The following RALY variants were observed in gnomAD, a reference collection of about 807,000 sequenced individuals.
RALY encodes RALY heterogeneous nuclear ribonucleoprotein.
A neutral mutation model predicts 30.7 loss-of-function variants in RALY; 15 were observed. The observed-to-expected ratio is 0.49, with a 90% CI of 0.33 to 0.75. The LOEUF (loss-of-function observed/expected upper bound fraction) is 0.75. RALY is among the 30% of genes least tolerant of loss of function. The pLI, the probability that RALY is intolerant of heterozygous loss-of-function variation, is 0.02. For synonymous variants in RALY, 177 were observed against 170.8 expected, an observed-to-expected ratio of 1.04 and a Z score of -0.28; for missense variants, 339 against 414.3, an observed-to-expected ratio of 0.82 and a Z score of 1.58.
At chr20:34,042,545 A>G (rs2032739088) in intron 2 of RALY, among the ~76,000 whole-genome samples, 1 of 152,182 alleles carries the variant, frequency 6.6e-6, no homozygotes, top group Non-Finnish European at 1.5e-5. Context: ...TGAGGTAGGC[A>G]GGCTTGTGAA....
At chr20:34,016,646 G>A (rs920507198) in intron 1 of RALY, 2 of 152,258 alleles carry the variant, frequency 1.3e-5, no homozygotes, top group African/African-American at 2.4e-5. Context: ...CCTTGGACAA[G>A]TTTCTTTTCT....
chr20:34,074,573 G>A (rs1271376574), intron 5 of RALY, among the ~76,000 whole-genome samples: 27 of 151,844 alleles, frequency 1.8e-4, no homozygotes, highest in Admixed American at 1.8e-3. Context: ...CCTGTGAGTC[G>A]TTTCAGGAGA....
At chr20:34,003,302 A>G (rs894559703) in intron 1 of RALY, among the ~76,000 whole-genome samples, 8 of 152,068 alleles carry the variant, frequency 5.3e-5, no homozygotes, top group African/African-American at 9.7e-5. Flanking sequence ...CTTCCTCACA[A>G]TGGTATTGTG....
intron 4 of RALY, 38 bp from the exon 5 acceptor site, chr20:34,073,781 G>A (rs202092057): frequency 6.6e-4 from 1,070 of 1,609,354 alleles, no homozygotes; most frequent in Non-Finnish European, 7.9e-4. Context: ...CTGAGTGGCC[G>A]TCCCTAAGCT....
rs1469089488 is a variant in RALY, at chr20:34,076,785, C to G, written c.628C>G (p.Gln210Glu). 1.2e-6 allele frequency: 2 copies of G among 1,614,110 alleles called. No homozygotes were observed. The highest frequency in any genetic ancestry group is 4.5e-5 in the East Asian group (2 of 44,878). The change falls in exon 7 of 10, where the codon CAG becomes GAG. Residue 210 changes from glutamine to glutamate, a missense_variant. By Grantham distance (29) the Gln-to-Glu change is conservative (BLOSUM62 2). Transcript: ENST00000246194. ...NIDALLSRLE[Q>E]IAAEQKANPD... Reference sequence around the variant, plus strand: ...CGATGCCCTGCTGAGCCGCTTGGAGCAGATCGCTGCGGAGCAAAAGGCCAA... The same window carrying G: ...CGATGCCCTGCTGAGCCGCTTGGAGGAGATCGCTGCGGAGCAAAAGGCCAA...
At chr20:34,005,200 A>T (rs1226643296) in intron 1 of RALY, among the ~76,000 whole-genome samples, 1 of 152,098 alleles carries the variant, frequency 6.6e-6, no homozygotes, top group Non-Finnish European at 1.5e-5. Flanking sequence ...CGAGGAGACT[A>T]GTCGAGTAGT....
intron 2 of RALY, among the ~76,000 whole-genome samples, chr20:34,069,194 G>A (rs977102546): frequency 2.0e-5 from 3 of 152,100 alleles, no homozygotes; most frequent in African/African-American, 7.2e-5. Context: ...AATGGGGTTC[G>A]CAGATGGCAG....
At chr20:34,023,736 A>G (rs1290285484) in intron 1 of RALY, among the ~76,000 whole-genome samples, 2 of 152,134 alleles carry the variant, frequency 1.3e-5, no homozygotes, top group Non-Finnish European at 2.9e-5. Flanking sequence ...AGAGCCCCAC[A>G]GTCAGTCTAT....
chr20:34,049,869 T>A (rs1161623134), intron 2 of RALY, among the ~76,000 whole-genome samples: 1 of 152,194 alleles, frequency 6.6e-6, no homozygotes, highest in Non-Finnish European at 1.5e-5. Flanking sequence ...CAACCTTTCT[T>A]TCTATCCCCT....
rs372973819 is a variant in RALY at position 34,078,525 on chromosome 20, C to A, written c.897C>A (p.Asp299Glu). Residue 299 changes from aspartate (D) to glutamate (E), a missense_variant, in exon 9 of 10, where the codon GAC (aspartate) becomes GAA (glutamate). Asp to Glu is a conservative substitution (Grantham distance 45). Coordinates refer to ENST00000246194, the MANE Select transcript of RALY (RefSeq NM_016732.3). ...ATCAGGAACACAGCCAGGACACAGA[C>A]GCGGATGATGGGGCCTTGCAGTAAG... ...EEELEHSQDT[D>E]ADDGALQ 7.6e-6 allele frequency: 12 copies of A among 1,587,676 alleles called. No individual in the cohort carries two copies. Among genetic ancestry groups the A allele is most frequent in the Non-Finnish European group, 1.0e-5 (12 of 1,166,900 alleles).
At chr20:33,999,299 GA>G (rs1265765489) in intron 1 of RALY, among the ~76,000 whole-genome samples, 1 of 152,124 alleles carries the variant, frequency 6.6e-6, no homozygotes, top group African/African-American at 2.4e-5. Flanking sequence ...GCACGTAAGG[GA>G]GGGGGTAGGG....
chr20:34,078,393 G>T (rs2033953407), intron 8 of RALY, 112 bp from the exon 9 acceptor site: 2 of 906,534 alleles, frequency 2.2e-6, no homozygotes, highest in Non-Finnish European at 3.1e-6. Context: ...TCTTCTGACT[G>T]TGTCCTCTAG....
intron 9 of RALY, among the ~76,000 whole-genome samples, chr20:34,078,778 C>T (rs528120475): frequency 6.6e-6 from 1 of 152,278 alleles, no homozygotes; most frequent in Non-Finnish European, 1.5e-5. Flanking sequence ...GCCAGGCGGG[C>T]CCACCTAGCA....
chr20:34,064,170 G>C (rs556441093), intron 2 of RALY, among the ~76,000 whole-genome samples: 42 of 152,184 alleles, frequency 2.8e-4, no homozygotes, highest in Non-Finnish European at 5.4e-4. Flanking sequence ...TTCTAACTCA[G>C]TATCGGGGAT....
At chr20:34,003,784 C>T (rs1301951082) in intron 1 of RALY, among the ~76,000 whole-genome samples, 2 of 151,060 alleles carry the variant, frequency 1.3e-5, no homozygotes, top group African/African-American at 4.9e-5. Flanking sequence ...GGACTACAGG[C>T]GCCCGCCACT....
intron 1 of RALY, among the ~76,000 whole-genome samples, chr20:34,008,494 A>G (rs1164679097): frequency 1.3e-5 from 2 of 152,236 alleles, no homozygotes; most frequent in African/African-American, 4.8e-5. Context: ...TAGGGGAACC[A>G]AGCTGCTGAA....
intron 2 of RALY, among the ~76,000 whole-genome samples, chr20:34,050,751 G>A (rs1198039500): frequency 6.6e-6 from 1 of 152,164 alleles, no homozygotes; most frequent in Non-Finnish European, 1.5e-5. Flanking sequence ...CTGTCCAAAT[G>A]ACCCTTTGGA....
intron 2 of RALY, 64 bp downstream of exon 2, chr20:34,031,668 G>A (rs1156646007): frequency 6.6e-6 from 1 of 152,148 alleles, no homozygotes; most frequent in Non-Finnish European, 1.5e-5. Flanking sequence ...TAACTCGTTT[G>A]GGGATTGTTT....
chr20:34,080,476 TG>T lies in RALY; in HGVS notation c.*573del, dbSNP rs1041111117. 2.6e-5 allele frequency: 4 copies of T among 152,354 alleles called. No homozygotes were observed. Among genetic ancestry groups the T allele is most frequent in the Admixed American group, 2.6e-4 (4 of 15,308 alleles). 9.4% of individuals were successfully genotyped at this position (152,354 alleles called of 1,614,324 possible). A position where few individuals can be genotyped will look rare whatever the true frequency, so the allele number is the denominator to read the frequency against. On this transcript the variant is annotated 3_prime_UTR_variant, in exon 10 of 10. Transcript: ENST00000246194. ...AAGTGTCAAGCAGTTGTGACCCACT[TG>T]GTTTACCCCATAGTAGGTCAAGACC...
Sources: gnomAD v4.1 joint callset for allele counts (sites outside exome capture counted in the v4.1 genomes callset) on GRCh38, gnomAD v4.1.1 for gene constraint, MANE v1.5 for transcripts, NCBI Gene and HGNC (gene_info 2026-07-23, HGNC 2026-07-21) for gene names.